Variants in HIGD1C observed in about 807,000 individuals in gnomAD.
HIGD1C encodes HIG1 hypoxia inducible domain family member 1C.
Under a neutral mutation model 13.1 loss-of-function variants are expected in HIGD1C, and 11 were observed. The observed-to-expected ratio is 0.84, with a 90% confidence interval of 0.53 to 1.39. The LOEUF (loss-of-function observed/expected upper bound fraction) is 1.39, where lower values mean the gene tolerates loss of function less well. Among genes scored for constraint, HIGD1C ranks in the 40% most tolerant of loss-of-function variants. The pLI is 0.00. For missense variants in HIGD1C, 110 were observed against 112.0 expected, an observed-to-expected ratio of 0.98 and a Z score of 0.08; for synonymous variants, 36 against 37.7, an observed-to-expected ratio of 0.95 and a Z score of 0.17.
intron 1 of HIGD1C, among the ~76,000 whole-genome samples, chr12:50,957,569 A>T (rs887142181): frequency 6.6e-6 from 1 of 151,936 alleles, no homozygotes; most frequent in Non-Finnish European, 1.5e-5. Context: ...ACTAACAAGA[A>T]GCATCTGGAA....
At chr12:50,949,152 T>C (rs913330770), upstream of HIGD1C, 1 of 152,710 alleles carries the variant, frequency 6.5e-6, no homozygotes, top group African/African-American at 2.4e-5. Flanking sequence ...TTTCGGATGC[T>C]TTCTTCAGGA....
the HIGD1C span, among the ~76,000 whole-genome samples, chr12:50,938,342 C>T: frequency 6.6e-5 from 10 of 152,226 alleles, no homozygotes; most frequent in African/African-American, 2.4e-5. Context: ...GAGCTTGGGG[C>T]TACAACTTTG....
At chr12:50,968,186 G>C (rs1939617510) in intron 2 of HIGD1C, among the ~76,000 whole-genome samples, 1 of 152,136 alleles carries the variant, frequency 6.6e-6, no homozygotes, top group African/African-American at 2.4e-5. Flanking sequence ...AAACATTTTT[G>C]GAGTTGGCTA....
intron 2 of HIGD1C, among the ~76,000 whole-genome samples, chr12:50,962,740 A>G (rs775994836): frequency 2.0e-5 from 3 of 152,092 alleles, no homozygotes; most frequent in Non-Finnish European, 4.4e-5. Flanking sequence ...GCACAAACAC[A>G]AGGGAGTGGT....
chr12:50,967,435 C>T (rs1939582825), intron 2 of HIGD1C, among the ~76,000 whole-genome samples: 1 of 152,124 alleles, frequency 6.6e-6, no homozygotes, highest in Non-Finnish European at 1.5e-5. Context: ...GCATGAGCTA[C>T]CAGACCTGGC....
chr12:50,936,016 G>A, the HIGD1C span, among the ~76,000 whole-genome samples: 97 of 152,072 alleles, frequency 6.4e-4, no homozygotes, highest in Middle Eastern at 3.4e-3. Flanking sequence ...AAAGTTAGCC[G>A]GGCGTGGTGG....
intron 1 of HIGD1C, among the ~76,000 whole-genome samples, chr12:50,956,252 T>C (rs319937): frequency 0.48 from 72,299 of 151,780 alleles, 18,207 homozygotes; most frequent in South Asian, 0.65. Context: ...ATTAGCTGGG[T>C]GTGGTGGCAG....
chr12:50,944,385 C>T, the HIGD1C span, among the ~76,000 whole-genome samples: 10 of 152,292 alleles, frequency 6.6e-5, no homozygotes, highest in Admixed American at 2.0e-4. Flanking sequence ...CGGTGGTTCA[C>T]TCACATCTGT....
chr12:50,958,284 T>TC (rs1466634041), intron 1 of HIGD1C, among the ~76,000 whole-genome samples: 43 of 140,060 alleles, frequency 3.1e-4, no homozygotes, highest in Non-Finnish European at 1.5e-5. Context: ...AAAATAATCT[T>TC]TTTTTTTTTT....
the HIGD1C span, among the ~76,000 whole-genome samples, chr12:50,943,575 TG>T: frequency 6.6e-6 from 1 of 151,928 alleles, no homozygotes; most frequent in Non-Finnish European, 1.5e-5. Flanking sequence ...CCAGGTGAGG[TG>T]GCGGGCACCT....
intron 1 of HIGD1C, among the ~76,000 whole-genome samples, chr12:50,956,639 A>G (rs1010782525): frequency 5.9e-5 from 9 of 152,118 alleles, no homozygotes; most frequent in Admixed American, 1.3e-4. Context: ...TTGACAGATT[A>G]TTTGGCTTTG....
chr12:50,957,909 GGA>G (rs553186758), intron 1 of HIGD1C, among the ~76,000 whole-genome samples: 38 of 147,296 alleles, frequency 2.6e-4, no homozygotes, highest in Middle Eastern at 3.6e-3. Flanking sequence ...AAACAAAAAT[GGA>G]GAGACTACTG....
At chr12:50,968,974 G>A (rs904684307) in intron 2 of HIGD1C, among the ~76,000 whole-genome samples, 7 of 151,762 alleles carry the variant, frequency 4.6e-5, no homozygotes, top group South Asian at 2.1e-4. Context: ...CCCCCACCAC[G>A]CACCGCATTT....
chr12:50,934,534 A>T, the HIGD1C span, among the ~76,000 whole-genome samples: 1 of 152,204 alleles, frequency 6.6e-6, no homozygotes, highest in African/African-American at 2.4e-5. Flanking sequence ...AACTAGACAT[A>T]TCCCTGCCTG....
downstream of HIGD1C, among the ~76,000 whole-genome samples, chr12:50,972,477 C>T (rs2016533): frequency 0.071 from 10,825 of 152,290 alleles, 734 homozygotes; most frequent in East Asian, 0.28. Flanking sequence ...TCGAATCACT[C>T]GGTCTTACTT....
At chr12:50,934,064 T>C in the HIGD1C span, among the ~76,000 whole-genome samples, 1 of 152,212 alleles carries the variant, frequency 6.6e-6, no homozygotes, top group African/African-American at 2.4e-5. Context: ...AAAATCCCCT[T>C]GCTAAATGCT....
chr12:50,942,739 C>T, the HIGD1C span, among the ~76,000 whole-genome samples: 1 of 152,060 alleles, frequency 6.6e-6, no homozygotes, highest in Non-Finnish European at 1.5e-5. Flanking sequence ...TGGCATGCAC[C>T]TGTGGTCCCA....
At chr12:50,950,644 C>T (rs1463577848), upstream of HIGD1C, among the ~76,000 whole-genome samples, 1 of 149,178 alleles carries the variant, frequency 6.7e-6, no homozygotes, top group Non-Finnish European at 1.5e-5. Flanking sequence ...GCTGGGATTA[C>T]AGGCACGCAC....
chr12:50,965,415 G>C (rs1293259032), intron 2 of HIGD1C, among the ~76,000 whole-genome samples: 1 of 151,642 alleles, frequency 6.6e-6, no homozygotes, highest in Non-Finnish European at 1.5e-5. Flanking sequence ...CAGCCACCGT[G>C]CCCAGCCACT....
Sources: allele counts gnomAD v4.1 joint callset (sites outside exome capture counted in the v4.1 genomes callset), GRCh38; gene constraint gnomAD v4.1.1; transcripts MANE v1.5; gene names NCBI Gene and HGNC (gene_info 2026-07-23, HGNC 2026-07-21).